CNIH3: variants seen among roughly 807,000 people sequenced by gnomAD.
CNIH3 encodes cornichon family AMPA receptor auxiliary protein 3, also known as protein cornichon homolog 3.
CNIH3 carries 14 observed loss-of-function variants against 24.1 expected under a neutral mutation model. The ratio of observed to expected loss-of-function variants is 0.58; its 90% CI spans 0.38 to 0.91. CNIH3 has a LOEUF of 0.91. Ranked by LOEUF, CNIH3 falls within the 40% of genes least tolerant of loss-of-function variation. The pLI is 0.00. For synonymous variants in CNIH3, 68 were observed against 73.8 expected (o/e 0.92, Z 0.40); for missense variants, 178 against 196.8 (o/e 0.90, Z 0.57).
In CNIH3 at chr1:224,705,124, A is replaced by T. The variant is rs1288038055; in HGVS notation, c.198+20281A>T. Among the ~76,000 whole-genome samples the T allele has an allele frequency of 2.6e-5, 4 of 152,286 alleles. No individual in the cohort carries two copies. The East Asian group carries it at 7.7e-4, about 29-fold the overall frequency. ...GAGCGAGACTCCCTCTCAAAAAAAT[A>T]AAAATAAAAATAAATCAGACATTGC... On this transcript the variant is annotated intron_variant, in intron 3 of 5. Transcript: ENST00000272133.
At chr1:224,680,909 G>T (rs1289765994) in intron 1 of CNIH3, 49 bp from the exon 2 acceptor site, 1 of 1,360,390 alleles carries the variant, frequency 7.4e-7, no homozygotes, top group African/African-American at 1.4e-5. Context: ...TGGACATGGT[G>T]TGTTGACTCG....
intron 1 of CNIH3, among the ~76,000 whole-genome samples, chr1:224,639,659 G>A (rs370352862): frequency 6.6e-5 from 10 of 152,228 alleles, no homozygotes; most frequent in South Asian, 2.1e-4. Context: ...GCCATCACTG[G>A]CAGGTAGACC....
intron 1 of CNIH3, among the ~76,000 whole-genome samples, chr1:224,628,304 T>A (rs572209770): frequency 6.6e-4 from 101 of 152,290 alleles, no homozygotes; most frequent in Middle Eastern, 3.4e-3. Context: ...TTACTTTTTT[T>A]AAACCGTTTT....
upstream of CNIH3, chr1:224,515,859 T>C (rs1486737929): frequency 6.6e-6 from 1 of 152,222 alleles, no homozygotes; most frequent in East Asian, 1.9e-4. Context: ...TGGTCACTGA[T>C]GAGTGGACCA....
intron 3 of CNIH3, among the ~76,000 whole-genome samples, chr1:224,701,815 A>C (rs899737789): frequency 5.3e-5 from 8 of 152,230 alleles, no homozygotes; most frequent in African/African-American, 1.9e-4. Flanking sequence ...AAGCTAGTAC[A>C]TGCAAAGCTG....
chr1:224,658,784 T>C (rs575970329), intron 1 of CNIH3, among the ~76,000 whole-genome samples: 44 of 151,974 alleles, frequency 2.9e-4, no homozygotes, highest in Non-Finnish European at 5.1e-4. Flanking sequence ...CTCTTATTAA[T>C]ATTACATATT....
At chr1:224,550,497 A>C (rs1679871866) in intron 3 of CNIH3, among the ~76,000 whole-genome samples, 1 of 152,208 alleles carries the variant, frequency 6.6e-6, no homozygotes, top group Non-Finnish European at 1.5e-5. Flanking sequence ...ACTGGATATT[A>C]TAGAAATATG....
chr1:224,596,810 C>G (rs2125036355), intron 3 of CNIH3, among the ~76,000 whole-genome samples: 1 of 152,234 alleles, frequency 6.6e-6, no homozygotes, highest in Admixed American at 6.5e-5. Flanking sequence ...GAGAGAGAGT[C>G]TTTTGTTATA....
At chr1:224,556,546 A>G (rs1012473860) in intron 3 of CNIH3, among the ~76,000 whole-genome samples, 1 of 152,174 alleles carries the variant, frequency 6.6e-6, no homozygotes, top group Non-Finnish European at 1.5e-5. Flanking sequence ...TTCATGGAAG[A>G]TAATCTTTCC....
At chr1:224,523,716 T>C (rs966364093) in intron 2 of CNIH3, among the ~76,000 whole-genome samples, 20 of 152,156 alleles carry the variant, frequency 1.3e-4, no homozygotes, top group Admixed American at 1.3e-4. Flanking sequence ...TCAATAAAAA[T>C]GTTAAAAAGT....
intron 1 of CNIH3, among the ~76,000 whole-genome samples, chr1:224,663,768 G>A (rs1346902018): frequency 2.0e-5 from 3 of 152,186 alleles, no homozygotes; most frequent in Non-Finnish European, 2.9e-5. Context: ...TTCAAAGGCT[G>A]TTCTTCATAG....
At chr1:224,695,178 G>T (rs947181553) in intron 3 of CNIH3, among the ~76,000 whole-genome samples, 2 of 152,162 alleles carry the variant, frequency 1.3e-5, no homozygotes, top group Admixed American at 1.3e-4. Flanking sequence ...GGCCTTACTG[G>T]AGCAGAAAGA....
intron 3 of CNIH3, among the ~76,000 whole-genome samples, chr1:224,729,764 G>A (rs779857163): frequency 1.3e-5 from 2 of 152,058 alleles, no homozygotes; most frequent in Non-Finnish European, 2.9e-5. Flanking sequence ...ATACCTGTGT[G>A]GCTGGATTGG....
chr1:224,683,682 T>G (rs928989415), intron 2 of CNIH3, among the ~76,000 whole-genome samples: 1 of 152,254 alleles, frequency 6.6e-6, no homozygotes, highest in African/African-American at 2.4e-5. Context: ...GTTTTACTCC[T>G]CGTTTCTCAT....
chr1:224,668,585 C>T (rs1685710190), intron 1 of CNIH3, among the ~76,000 whole-genome samples: 1 of 152,116 alleles, frequency 6.6e-6, no homozygotes, highest in Admixed American at 6.5e-5. Flanking sequence ...GCATGCTCCC[C>T]CAAAGCTGGG....
intron 1 of CNIH3, among the ~76,000 whole-genome samples, chr1:224,649,294 A>G (rs1684758247): frequency 6.6e-6 from 1 of 152,188 alleles, no homozygotes. Context: ...AGGTCAGGAA[A>G]TGCCGGTGGT....
chr1:224,680,844 A>C (rs575055852), intron 1 of CNIH3, 114 bp from the exon 2 acceptor site: 45 of 775,722 alleles, frequency 5.8e-5, no homozygotes, highest in South Asian at 5.4e-4. Flanking sequence ...ATCTCATGCC[A>C]TCTACAGCCT....
intron 1 of CNIH3, chr1:224,437,079 G>A (rs6426124): frequency 0.97 from 148,420 of 152,238 alleles, 72,462 homozygotes; most frequent in East Asian, 1. Context: ...CCTCAATCAC[G>A]AAGGCTGCTT....
At chr1:224,609,997 T>C (rs768976915) in intron 3 of CNIH3, among the ~76,000 whole-genome samples, 2 of 152,246 alleles carry the variant, frequency 1.3e-5, no homozygotes, top group African/African-American at 4.8e-5. Context: ...ACACATTCAA[T>C]AGATATTACA....
Sources: allele counts gnomAD v4.1 joint callset (sites outside exome capture counted in the v4.1 genomes callset), GRCh38; gene constraint gnomAD v4.1.1; transcripts MANE v1.5; gene names NCBI Gene and HGNC (gene_info 2026-07-23, HGNC 2026-07-21).